BFSP2: variants seen among roughly 807,000 people sequenced by gnomAD.
BFSP2 encodes the protein phakinin.
In BFSP2, 38 loss-of-function variants were observed where a neutral mutation model predicts 44.9. The observed-to-expected ratio is 0.85, with a 90% CI of 0.65 to 1.11. The LOEUF (loss-of-function observed/expected upper bound fraction) is 1.11, where lower values mean the gene tolerates loss of function less well. BFSP2 is among the 50% of genes least tolerant of loss of function. The pLI is 0.00. For missense variants in BFSP2, 525 were observed against 533.0 expected (o/e 0.99, Z 0.15); for synonymous variants, 197 against 209.9 (o/e 0.94, Z 0.53).
chr3:133,418,274 C>A (rs1380894962), intron 1 of BFSP2, among the ~76,000 whole-genome samples: 1 of 152,136 alleles, frequency 6.6e-6, no homozygotes, highest in African/African-American at 2.4e-5. Flanking sequence ...CATTCCCACC[C>A]CCCAGGTAAC....
intron 3 of BFSP2, 42 bp from the exon 4 acceptor site, chr3:133,450,261 T>G (rs1576588000): frequency 1.2e-6 from 2 of 1,610,108 alleles, no homozygotes; most frequent in Non-Finnish European, 1.7e-6. Flanking sequence ...TGCCATTTAT[T>G]TCCCCCCGTA....
intron 5 of BFSP2, among the ~76,000 whole-genome samples, chr3:133,470,153 C>T (rs933089461): frequency 1.3e-5 from 2 of 152,172 alleles, no homozygotes; most frequent in Admixed American, 1.3e-4. Context: ...AACCCTAGAC[C>T]AGATACTGAT....
intron 3 of BFSP2, among the ~76,000 whole-genome samples, chr3:133,449,418 T>TTTGTTA (rs2073935272): frequency 6.6e-6 from 1 of 152,224 alleles, no homozygotes; most frequent in Non-Finnish European, 1.5e-5. Context: ...TGTTTTTGTT[T>TTTGTTA]TTGTTTTTGT....
At chr3:133,424,216 T>TGTGTGTG (rs1559963358) in intron 1 of BFSP2, among the ~76,000 whole-genome samples, 5 of 49,414 alleles carry the variant, frequency 1.0e-4, no homozygotes, top group Admixed American at 1.6e-4. Context: ...CAGCTAATTT[T>TGTGTGTG]TTTTTTTTTT....
chr3:133,466,065 T>C (rs745397135), intron 4 of BFSP2, among the ~76,000 whole-genome samples: 6 of 152,158 alleles, frequency 3.9e-5, no homozygotes, highest in Non-Finnish European at 7.3e-5. Flanking sequence ...TTAATTGCTG[T>C]CTCTGCCATT....
chr3:133,415,081 A>AT (rs2107886095), intron 1 of BFSP2, among the ~76,000 whole-genome samples: 1 of 34,286 alleles, frequency 2.9e-5, no homozygotes, highest in Admixed American at 3.8e-4. Context: ...TACTTGCCCC[A>AT]GTCCTCTCCC....
chr3:133,450,443 A>G lies in BFSP2; in HGVS notation c.870A>G (p.Ala290=). 1 of 1,614,146 alleles carries G rather than the reference A, an allele frequency of 6.2e-7. No homozygotes were observed. Among genetic ancestry groups the G allele is most frequent in the East Asian group, 2.2e-5 (1 of 44,872 alleles). ...ERDVEKNRVE[A]GALLQAKQQA... ...ATGTTGAAAAGAACCGGGTGGAGGC[A>G]GGAGCCCTGCTCCAAGCTAAGGTGA... Residue 290 remains alanine (A), a synonymous_variant, in exon 4 of 7, where the codon GCA becomes GCG. Coordinates refer to ENST00000302334, the MANE Select transcript of BFSP2 (RefSeq NM_003571.4).
At chr3:133,415,805 C>A (rs79003005) in intron 1 of BFSP2, among the ~76,000 whole-genome samples, 5 of 123,508 alleles carry the variant, frequency 4.0e-5, no homozygotes, top group Admixed American at 3.2e-4. Flanking sequence ...ACTCCTACCA[C>A]CTCCCCTCTA....
intron 1 of BFSP2, among the ~76,000 whole-genome samples, chr3:133,401,747 C>G (rs899109872): frequency 5.9e-5 from 9 of 152,200 alleles, no homozygotes; most frequent in African/African-American, 2.2e-4. Flanking sequence ...AGACCCTTGG[C>G]CCCCTGGAGT....
intron 1 of BFSP2, among the ~76,000 whole-genome samples, chr3:133,406,032 C>T (rs1296371447): frequency 6.6e-6 from 1 of 152,120 alleles, no homozygotes; most frequent in African/African-American, 2.4e-5. Context: ...CTCACTGCAA[C>T]CTCCGCCTCC....
intron 1 of BFSP2, among the ~76,000 whole-genome samples, chr3:133,434,490 TCAA>T (rs979862757): frequency 1.2e-4 from 19 of 152,036 alleles, no homozygotes; most frequent in Admixed American, 1.1e-3. Context: ...CCCCAACACT[TCAA>T]CACCATTTTA....
intron 1 of BFSP2, among the ~76,000 whole-genome samples, chr3:133,427,114 C>A (rs2073661507): frequency 6.6e-6 from 1 of 152,198 alleles, no homozygotes; most frequent in Admixed American, 6.5e-5. Context: ...ACCAAAGAAA[C>A]AACAATTTAT....
chr3:133,465,535 T>G (rs1421759437), intron 4 of BFSP2, among the ~76,000 whole-genome samples: 1 of 152,178 alleles, frequency 6.6e-6, no homozygotes, highest in Non-Finnish European at 1.5e-5. Context: ...GGAGTAACAA[T>G]GACCTGTTCC....
intron 1 of BFSP2, among the ~76,000 whole-genome samples, chr3:133,408,935 T>C (rs935651616): frequency 5.3e-5 from 8 of 152,196 alleles, no homozygotes; most frequent in African/African-American, 1.9e-4. Flanking sequence ...ATTTATCTTG[T>C]TATGTGGAGA....
rs372384792 is a variant in BFSP2 at position 133,417,443 on chromosome 3, A to C, written c.489+16871A>C. 1.7e-3 allele frequency among the ~76,000 whole-genome samples: 48 copies of C among 27,830 alleles called. No homozygotes were observed. The East Asian group carries it at 0.044, about 26-fold the overall frequency. The allele number at this position is 27,830 out of a possible 152,430, so 18.3% of individuals were successfully genotyped here. ...CACCCTCTCCCTTCTACTCACCCTC[A>C]TCCTCTCCTCTCTACTCACCCCTAC... On this transcript the variant is annotated intron_variant, in intron 1 of 6. Transcript: ENST00000302334.
chr3:133,443,607 G>A (rs1409482555), intron 1 of BFSP2, among the ~76,000 whole-genome samples: 1 of 152,228 alleles, frequency 6.6e-6, no homozygotes, highest in African/African-American at 2.4e-5. Flanking sequence ...TTGTTATTAA[G>A]AGCAGTATCA....
intron 4 of BFSP2, among the ~76,000 whole-genome samples, chr3:133,464,404 TA>T (rs1374353386): frequency 2.6e-5 from 4 of 152,352 alleles, no homozygotes; most frequent in Middle Eastern, 6.8e-3. Context: ...CCTATGAGGA[TA>T]ATAATGACAT....
At chr3:133,449,215 C>G (rs1335341721) in intron 3 of BFSP2, 2 of 154,642 alleles carry the variant, frequency 1.3e-5, no homozygotes, top group African/African-American at 4.8e-5. Context: ...ACGATGCTCA[C>G]ATTGGGAAGT....
chr3:133,417,677 T>C (rs112602890), intron 1 of BFSP2, among the ~76,000 whole-genome samples: 21,560 of 99,948 alleles, frequency 0.22, 2,200 homozygotes, highest in Middle Eastern at 0.33. Flanking sequence ...TGCCCTCTCC[T>C]CTCTACTCAA....
Sources: gnomAD v4.1 joint callset for allele counts (sites outside exome capture counted in the v4.1 genomes callset) on GRCh38, gnomAD v4.1.1 for gene constraint, MANE v1.5 for transcripts, NCBI Gene and HGNC (gene_info 2026-07-23, HGNC 2026-07-21) for gene names.